The following WAPL variants were observed in gnomAD, a reference collection of about 807,000 sequenced individuals.
The protein encoded by WAPL is WAPL cohesin release factor.
A neutral mutation model predicts 121.0 loss-of-function variants in WAPL; 5 were observed. That is an observed-to-expected ratio of 0.04 (90% CI 0.02 to 0.09). The LOEUF (loss-of-function observed/expected upper bound fraction) is 0.09. Among genes scored for constraint, WAPL ranks in the 10% least tolerant of loss-of-function variants. The pLI, the probability that WAPL is intolerant of heterozygous loss-of-function variation, is 1.00. For synonymous variants in WAPL, 480 were observed against 481.5 expected, an observed-to-expected ratio of 1.00 and a Z score of 0.04; for missense variants, 999 against 1,410.8, an observed-to-expected ratio of 0.71 and a Z score of 4.68.
At position 86,436,979 on chromosome 10, in the gene WAPL, G is replaced by C. The variant is rs1849339565; in HGVS notation, c.*564C>G. ...TGGATTCCATCTAATTTTAAATATA[G>C]ACAGTAGTTCAGGGAACAACAACCA... On this transcript the variant is annotated 3_prime_UTR_variant, in exon 19 of 19. Transcript: ENST00000298767. The C allele has an allele frequency of 6.6e-6, 1 of 152,430 alleles. No homozygotes were observed. Among genetic ancestry groups the C allele is most frequent in the Non-Finnish European group, 1.5e-5 (1 of 68,024 alleles). 9.4% of individuals were successfully genotyped at this position (152,430 alleles called of 1,614,324 possible).
intron 9 of WAPL, among the ~76,000 whole-genome samples, chr10:86,464,681 AG>A (rs536696048): frequency 1.3e-5 from 2 of 152,306 alleles, no homozygotes; most frequent in South Asian, 4.1e-4. Context: ...TAAAAATACA[AG>A]AAAATTAGCT....
chr10:86,478,129 TA>T (rs3858277), intron 4 of WAPL, among the ~76,000 whole-genome samples: 33,066 of 148,626 alleles, frequency 0.22, 4,256 homozygotes, highest in East Asian at 0.45. Context: ...TTTTCTGTAT[TA>T]AAAAAAAAAA....
chr10:86,467,929 C>G lies in WAPL; in HGVS notation c.2143-423G>C, dbSNP rs556119599. On this transcript the variant is annotated intron_variant, in intron 8 of 18. Transcript: ENST00000298767. The stretch of plus-strand genomic sequence containing the variant: ...TCCTGACTTCGTGATCCGCCCACCT[C>G]GGCCTCCCAAAATGCTGGGATAACA... Among the ~76,000 whole-genome samples the G allele has an allele frequency of 9.2e-5, 14 of 152,158 alleles. No homozygotes were observed. The East Asian group carries it at 2.7e-3, about 29-fold the overall frequency.
Position 86,472,203 on chromosome 10 carries a change from C to A in WAPL, c.2030+5G>T. The A allele has an allele frequency of 1.3e-6, 2 of 1,550,562 alleles. No individual in the cohort carries two copies. The highest frequency in any genetic ancestry group is 1.7e-6 in the Non-Finnish European group (2 of 1,155,418). ...TAATTGTAAAATATAAAAATAAGATCTTACCTAAGGCAACGTGTGTTTAGA... is the reference window on the plus strand; with the variant it reads ...TAATTGTAAAATATAAAAATAAGATATTACCTAAGGCAACGTGTGTTTAGA... On this transcript the variant is annotated splice_donor_5th_base_variant and intron_variant, in intron 7 of 18. Transcript: ENST00000298767. This position sits in a 1 kb window ranked among gnomAD's most constrained non-coding sequence, Gnocchi z 4.2.
At chr10:86,450,737 C>T (rs1421912082) in intron 15 of WAPL, among the ~76,000 whole-genome samples, 1 of 152,178 alleles carries the variant, frequency 6.6e-6, no homozygotes, top group East Asian at 1.9e-4. Flanking sequence ...GATAATCTAT[C>T]ACTAGTTTCA....
In WAPL at chr10:86,517,906, A is replaced by G. The variant is rs761985951; in HGVS notation, c.164T>C (p.Ile55Thr). The G allele has an allele frequency of 1.9e-6, 3 of 1,614,122 alleles. No homozygotes were observed. Among genetic ancestry groups the G allele is most frequent in the South Asian group, 1.1e-5 (1 of 91,082 alleles). ...TTTAGGTTTCTTCGGAATTTCTTGG[A>G]TATCTGGTTTGAAATTGGGCCTCTT... ...GQKRPNFKPD[I>T]QEIPKKPKVE... The change falls in exon 2 of 19, where the codon ATC becomes ACC. Residue 55 changes from isoleucine to threonine, a missense_variant. Around this residue, in one of 7 missense-constraint regions of WAPL, gnomAD observed 531 missense variants for 563.1 expected, o/e 0.94. Transcript: ENST00000298767.
chr10:86,444,890 G>A (rs201374234), intron 16 of WAPL, among the ~76,000 whole-genome samples: 4 of 5,216 alleles, frequency 7.7e-4, no homozygotes, highest in African/African-American at 1.5e-3. Flanking sequence ...ATGTTATTAC[G>A]CCAAAAAAAA....
At chr10:86,482,993 C>T (rs576861394) in intron 4 of WAPL, among the ~76,000 whole-genome samples, 12 of 152,246 alleles carry the variant, frequency 7.9e-5, no homozygotes, top group East Asian at 7.7e-4. Context: ...GCATATGTAA[C>T]GGTGGTCTCA....
intron 4 of WAPL, among the ~76,000 whole-genome samples, chr10:86,475,491 G>C (rs936612692): frequency 5.3e-5 from 8 of 152,204 alleles, no homozygotes; most frequent in African/African-American, 1.9e-4. Flanking sequence ...GCATTAGTGT[G>C]AACTAATCGT....
At chr10:86,491,162 C>T (rs1242446807) in intron 4 of WAPL, among the ~76,000 whole-genome samples, 10 of 109,396 alleles carry the variant, frequency 9.1e-5, no homozygotes, top group African/African-American at 2.8e-4. Context: ...TTTTTTAAGA[C>T]GGAGTCTCGC....
At chr10:86,452,412 G>A (rs977863426) in intron 14 of WAPL, among the ~76,000 whole-genome samples, 2 of 151,472 alleles carry the variant, frequency 1.3e-5, no homozygotes, top group African/African-American at 4.9e-5. Context: ...ACAAACATGG[G>A]GAAACCCCAT....
rs374369796 is a variant in WAPL, at chr10:86,487,146, G to A, written c.1644+10055C>T. Among the ~76,000 whole-genome samples, 8 of 151,942 alleles carry A rather than the reference G, an allele frequency of 5.3e-5. No individual in the cohort carries two copies. In the South Asian group the frequency reaches 6.3e-4, roughly 12 times the overall value. On this transcript the variant is annotated intron_variant, in intron 4 of 18. Transcript: ENST00000298767. ...CAGTCAGCCTGACTATACAGACAATGAATGCTTACAAGCAGGGATGACAGG... is the reference window on the plus strand; with the variant it reads ...CAGTCAGCCTGACTATACAGACAATAAATGCTTACAAGCAGGGATGACAGG...
chr10:86,467,723 C>T (rs547650337), intron 8 of WAPL, among the ~76,000 whole-genome samples: 1 of 149,860 alleles, frequency 6.7e-6, no homozygotes, highest in Non-Finnish European at 1.5e-5. Context: ...GTCGCCCAGG[C>T]TGGAGTGCAG....
chr10:86,515,200 G>A (rs1842531728), intron 2 of WAPL, among the ~76,000 whole-genome samples: 1 of 151,604 alleles, frequency 6.6e-6, no homozygotes, highest in Admixed American at 6.6e-5. Flanking sequence ...GGCGGAGGTT[G>A]CAGTGAGCCA....
chr10:86,472,617 T>C lies in WAPL; in HGVS notation c.1888A>G (p.Lys630Glu), dbSNP rs1440128949. 1 of 1,613,072 alleles carries C rather than the reference T, an allele frequency of 6.2e-7. No homozygotes were observed. Among genetic ancestry groups the C allele is most frequent in the South Asian group, 1.1e-5 (1 of 90,964 alleles). Residue 630 changes from lysine (K) to glutamate (E), a missense_variant, in exon 6 of 19, where the codon AAA (lysine) becomes GAA (glutamate). By Grantham distance (56) the Lys-to-Glu change is moderately conservative. This residue lies in a region of WAPL where 118 missense variants were observed against 318.3 expected (regional missense o/e 0.37). Coordinates refer to ENST00000298767, the MANE Select transcript of WAPL (RefSeq NM_015045.5). This position sits in a 1 kb window ranked among gnomAD's most constrained non-coding sequence, Gnocchi z 4.2. ...VTALKCRREDKELYTVVQHVK... is the reference protein window; with the variant it reads ...VTALKCRREDEELYTVVQHVK... ...CACTGTATATGGCTGCTTACTTCTT[T>C]GTCTTCTCGTCTGCATTTCAGTGCA...
At chr10:86,447,002 T>TTA (rs1301944065) in intron 15 of WAPL, among the ~76,000 whole-genome samples, 1 of 152,134 alleles carries the variant, frequency 6.6e-6, no homozygotes, top group African/African-American at 2.4e-5. Flanking sequence ...AAATTAAACT[T>TTA]TATAGAGAGC....
At chr10:86,505,300 C>CTTTTTTTTTTTTTTT (rs531404303) in intron 2 of WAPL, among the ~76,000 whole-genome samples, 1,031 of 44,676 alleles carry the variant, frequency 0.023, 184 homozygotes, top group Non-Finnish European at 0.033. Flanking sequence ...GTGCCCAACT[C>CTTTTTTTTTTTTTTT]TTTTTTTTTT....
intron 1 of WAPL, among the ~76,000 whole-genome samples, chr10:86,518,557 A>C (rs1179540568): frequency 2.0e-5 from 3 of 152,182 alleles, no homozygotes; most frequent in African/African-American, 7.2e-5. Context: ...AAAATACAAA[A>C]ATTAGCTGGG....
chr10:86,461,297 A>G lies in WAPL; in HGVS notation c.2371-10T>C. 1 of 1,590,576 alleles carries G rather than the reference A, an allele frequency of 6.3e-7. No homozygotes were observed. Among genetic ancestry groups the G allele is most frequent in the African/African-American group, 1.3e-5 (1 of 74,154 alleles). The stretch of plus-strand genomic sequence containing the variant: ...TAGCTAAATGCCCAGTCTAAAAACC[A>G]GAAGCATCATTAATGAATATCAACT... On this transcript the variant is annotated splice_polypyrimidine_tract_variant and intron_variant, in intron 9 of 18. Coordinates refer to ENST00000298767, the MANE Select transcript of WAPL (RefSeq NM_015045.5).
Sources: gnomAD v4.1 joint callset for allele counts (sites outside exome capture counted in the v4.1 genomes callset) on GRCh38, gnomAD v4.1.1 for gene constraint, gnomAD v4.1.1 regional missense constraint, Gnocchi (gnomAD v3.1) non-coding constraint, MANE v1.5 for transcripts, NCBI Gene and HGNC (gene_info 2026-07-23, HGNC 2026-07-21) for gene names.